DNAH3: variants seen among roughly 807,000 people sequenced by gnomAD.
DNAH3 encodes axonemal beta dynein heavy chain 3.
Under a neutral mutation model 432.5 loss-of-function variants are expected in DNAH3, and 332 were observed. That is an observed-to-expected ratio of 0.77 (90% confidence interval 0.70 to 0.84). The LOEUF (loss-of-function observed/expected upper bound fraction) is 0.84, where lower values mean the gene tolerates loss of function less well. DNAH3 is among the 40% of genes least tolerant of loss of function. The probability of loss-of-function intolerance (pLI) is 0.00; values close to 1 mark genes in which losing one functional copy is unlikely to be tolerated. For missense variants in DNAH3, 4,861 were observed against 5,114.0 expected (o/e 0.95, Z 1.51); for synonymous variants, 1,956 against 1,900.2 (o/e 1.03, Z -0.76).
chr16:21,005,590 G>T (rs1256083025), intron 41 of DNAH3, among the ~76,000 whole-genome samples: 3 of 151,908 alleles, frequency 2.0e-5, no homozygotes, highest in African/African-American at 7.3e-5. Context: ...TGTTGCCCAG[G>T]CTGGTCTCAA....
chr16:21,020,945 A>C (rs2088184624), intron 40 of DNAH3, among the ~76,000 whole-genome samples: 1 of 152,080 alleles, frequency 6.6e-6, no homozygotes, highest in Non-Finnish European at 1.5e-5. Flanking sequence ...TGTCTTTATA[A>C]ATTTGGCTAC....
In DNAH3 at chr16:20,936,632, C is replaced by A. The variant is rs1489180324; in HGVS notation, c.11859+17G>T. Reference sequence around the variant, plus strand: ...GCAAGCATGCCAGGTTCCCGGTTACCCCTGACTCCCAGGTACCTGGAAGAA... The same window carrying A: ...GCAAGCATGCCAGGTTCCCGGTTACACCTGACTCCCAGGTACCTGGAAGAA... On this transcript the variant is annotated intron_variant, in intron 60 of 61. Coordinates refer to ENST00000261383, the Ensembl canonical transcript of DNAH3. The A allele has an allele frequency of 1.3e-6, 2 of 1,575,444 alleles. No individual in the cohort carries two copies. Among genetic ancestry groups the A allele is most frequent in the South Asian group, 2.3e-5 (2 of 86,606 alleles).
intron 1 of DNAH3, among the ~76,000 whole-genome samples, chr16:21,153,025 G>T (rs540246684): frequency 6.6e-6 from 1 of 152,204 alleles, no homozygotes; most frequent in Non-Finnish European, 1.5e-5. Flanking sequence ...CTGCAGCCCC[G>T]GTGCAGGAGC....
In DNAH3 at chr16:21,140,665, CT is replaced by C. The variant is rs763706824; in HGVS notation, c.566del (p.Lys189ArgfsTer3). The C allele has an allele frequency of 1.2e-6, 2 of 1,614,088 alleles. No homozygotes were observed. The highest frequency in any genetic ancestry group is 1.7e-6 in the Non-Finnish European group (2 of 1,179,982). The stretch of plus-strand genomic sequence containing the variant: ...GGAACGTCAAAGATGTCTTTACCTC[CT>C]TCTTCATGGGTGAGAAGATTGACGT... On this transcript the variant is annotated frameshift_variant, in exon 5 of 62. Coordinates refer to ENST00000261383, the Ensembl canonical transcript of DNAH3. LOFTEE classifies it high-confidence loss of function.
intron 16 of DNAH3, chr16:21,104,143 T>G: frequency 4.0e-6 from 1 of 247,202 alleles, no homozygotes; most frequent in Non-Finnish European, 8.0e-6. Flanking sequence ...TGGTCTCCAA[T>G]GTAAGGCTGA....
At chr16:21,106,430 CA>C in intron 15 of DNAH3, 59 bp downstream of exon 15, 1 of 1,301,616 alleles carries the variant, frequency 7.7e-7, no homozygotes. Flanking sequence ...GTTATATATA[CA>C]AATATAAAAT....
exon 53 of DNAH3, chr16:20,964,340 G>C: frequency 6.2e-7 from 1 of 1,614,120 alleles, no homozygotes; most frequent in South Asian, 1.1e-5. Flanking sequence ...ACTTCTGGGA[G>C]GTAATGTGGA....
rs1239071003 is a variant in DNAH3, at chr16:21,140,560, CT to C, written c.671del (p.Lys224ArgfsTer15). ...CCTCCAGGTCCGATTCAGATGGCTTCTTTTCTTTACTTTCCATTTCCATCTC... is the reference window on the plus strand; with the variant it reads ...CCTCCAGGTCCGATTCAGATGGCTTCTTTCTTTACTTTCCATTTCCATCTC... On this transcript the variant is annotated frameshift_variant, in exon 5 of 62. Coordinates refer to ENST00000261383, the Ensembl canonical transcript of DNAH3. LOFTEE classifies it high-confidence loss of function. The C allele has an allele frequency of 1.9e-6, 3 of 1,613,998 alleles. No homozygotes were observed. The highest frequency in any genetic ancestry group is 4.5e-5 in the East Asian group (2 of 44,874).
chr16:21,026,700 CAAAAAAAAAA>C (rs35667454), intron 38 of DNAH3, among the ~76,000 whole-genome samples: 1 of 47,810 alleles, frequency 2.1e-5, no homozygotes, highest in Non-Finnish European at 4.1e-5. Flanking sequence ...TACTCCGTCT[CAAAAAAAAAA>C]AAAAAAAAAA....
At chr16:20,948,420 A>G in intron 57 of DNAH3, 63 bp downstream of exon 57, 1 of 1,546,334 alleles carries the variant, frequency 6.5e-7, no homozygotes, top group Admixed American at 1.9e-5. Flanking sequence ...GCAGCCCTGT[A>G]GCCATATAGA....
chr16:20,937,855 C>A (rs1198131162), intron 59 of DNAH3, among the ~76,000 whole-genome samples: 1 of 151,964 alleles, frequency 6.6e-6, no homozygotes. Context: ...ATAAGGTGCA[C>A]GCCTGAGAAA....
At chr16:20,985,504 A>G (rs1191704532) in exon 48 of DNAH3, 4 of 1,614,156 alleles carry the variant, frequency 2.5e-6, no homozygotes, top group East Asian at 2.2e-5. Context: ...GATGTGCTCA[A>G]TGGCAAACCT....
intron 44 of DNAH3, among the ~76,000 whole-genome samples, chr16:20,994,193 G>A (rs1033314761): frequency 6.6e-6 from 1 of 152,086 alleles, no homozygotes; most frequent in Non-Finnish European, 1.5e-5. Flanking sequence ...ACTTTGGGAG[G>A]CCGAGGTGGG....
intron 58 of DNAH3, 103 bp from the exon 59 acceptor site, chr16:20,941,646 T>C (rs1010341402): frequency 1.4e-6 from 2 of 1,418,314 alleles, no homozygotes; most frequent in African/African-American, 1.4e-5. Flanking sequence ...AAATGTATTC[T>C]GTGGGACTTT....
chr16:20,948,612 C>T (rs372735035), exon 57 of DNAH3: 1 of 1,614,122 alleles, frequency 6.2e-7, no homozygotes, highest in Non-Finnish European at 8.5e-7. Flanking sequence ...TGTCATCAGT[C>T]ACTCTGCCTC....
intron 61 of DNAH3, 74 bp downstream of exon 61, chr16:20,935,274 G>T: frequency 1.3e-6 from 2 of 1,564,208 alleles, no homozygotes; most frequent in South Asian, 2.3e-5. Context: ...CACATTTTTT[G>T]ACTCATAAGG....
intron 58 of DNAH3, among the ~76,000 whole-genome samples, chr16:20,942,941 C>T (rs761504926): frequency 2.0e-5 from 3 of 152,086 alleles, no homozygotes; most frequent in Admixed American, 6.6e-5. Context: ...TAGTGTCTCA[C>T]TCTGTCGTCC....
chr16:21,129,789 G>GA (rs67859296), intron 7 of DNAH3, among the ~76,000 whole-genome samples: 152,005 of 152,020 alleles, frequency 1, 75,995 homozygotes, highest in Middle Eastern at 1. Context: ...CCCATTAGTG[G>GA]ACAGGGGTAG....
At chr16:21,029,109 A>G (rs552086709) in intron 37 of DNAH3, among the ~76,000 whole-genome samples, 5 of 152,362 alleles carry the variant, frequency 3.3e-5, no homozygotes, top group African/African-American at 1.2e-4. Flanking sequence ...TTCACTTATT[A>G]TGACTCTCTT....
Sources: allele counts gnomAD v4.1 joint callset (sites outside exome capture counted in the v4.1 genomes callset), GRCh38; gene constraint gnomAD v4.1.1; transcripts MANE v1.5; gene names NCBI Gene and HGNC (gene_info 2026-07-23, HGNC 2026-07-21).